Variants in CACNB2 observed in about 807,000 individuals in gnomAD.
CACNB2 encodes the protein voltage-dependent L-type calcium channel subunit beta-2.
CACNB2 carries 42 observed loss-of-function variants against 73.3 expected under a neutral mutation model. The observed-to-expected ratio is 0.57, with a 90% CI of 0.45 to 0.74. The LOEUF (loss-of-function observed/expected upper bound fraction) is 0.74. Ranked by LOEUF, CACNB2 falls within the 30% of genes least tolerant of loss-of-function variation. CACNB2 has a pLI of 0.00. For synonymous variants in CACNB2, 348 were observed against 310.3 expected, an observed-to-expected ratio of 1.12 and a Z score of -1.28; for missense variants, 940 against 853.0, an observed-to-expected ratio of 1.10 and a Z score of -1.27.
chr10:18,540,477 G>A lies in CACNB2; in HGVS notation c.*753G>A, dbSNP rs1237462018. 6.6e-6 allele frequency: 1 copy of A among 152,476 alleles called. No homozygotes were observed. Among genetic ancestry groups the A allele is most frequent in the Non-Finnish European group, 1.5e-5 (1 of 68,010 alleles). 9.4% of individuals were successfully genotyped at this position (152,476 alleles called of 1,614,324 possible). On this transcript the variant is annotated 3_prime_UTR_variant, in exon 14 of 14. Transcript: ENST00000324631. ...TGTCTAGACACCTATCCTCATTCTA[G>A]TAGAAAGTGTGTACATACTGTAAAT...
chr10:18,318,565 C>T (rs946963069), intron 2 of CACNB2, among the ~76,000 whole-genome samples: 3 of 152,062 alleles, frequency 2.0e-5, no homozygotes, highest in Non-Finnish European at 4.4e-5. Context: ...ATGATGAAAA[C>T]ACCAAAAGCA....
chr10:18,155,891 A>AACGC (rs2032006950), intron 2 of CACNB2, among the ~76,000 whole-genome samples: 1 of 52,846 alleles, frequency 1.9e-5, no homozygotes, highest in Admixed American at 3.4e-4. Context: ...AGAGAGAGAG[A>AACGC]ACATATTATA....
At chr10:18,518,866 AT>A (rs756162750) in intron 8 of CACNB2, 43 bp from the exon 9 acceptor site, 172 of 1,537,764 alleles carry the variant, frequency 1.1e-4, no homozygotes, top group Middle Eastern at 1.7e-4. Flanking sequence ...ATCGTTAGTA[AT>A]TTTTTTTGGT....
At chr10:18,251,999 T>C (rs141392971) in intron 2 of CACNB2, among the ~76,000 whole-genome samples, 7 of 152,300 alleles carry the variant, frequency 4.6e-5, no homozygotes, top group East Asian at 3.9e-4. Flanking sequence ...TTCTTCATAA[T>C]TGATATGAGG....
chr10:18,453,635 C>T (rs1348401502), intron 3 of CACNB2, among the ~76,000 whole-genome samples: 2 of 152,138 alleles, frequency 1.3e-5, no homozygotes, highest in Non-Finnish European at 2.9e-5. Context: ...AATTTCTTGC[C>T]TTATTTTATT....
intron 2 of CACNB2, chr10:18,257,098 C>A (rs1430392471): frequency 1.3e-5 from 2 of 152,228 alleles, no homozygotes; most frequent in African/African-American, 4.8e-5. Flanking sequence ...CTCCCCTGTC[C>A]TAGGGACTTG....
intron 2 of CACNB2, among the ~76,000 whole-genome samples, chr10:18,279,978 C>G (rs1164363490): frequency 4.6e-5 from 7 of 152,154 alleles, no homozygotes; most frequent in Non-Finnish European, 2.9e-5. Flanking sequence ...ACCTGGGAGG[C>G]TGAGGCAAGA....
intron 3 of CACNB2, among the ~76,000 whole-genome samples, chr10:18,424,429 G>A (rs945997800): frequency 6.6e-6 from 1 of 152,098 alleles, no homozygotes; most frequent in East Asian, 1.9e-4. Flanking sequence ...CCACGGAAAG[G>A]TGTGGTAACG....
intron 3 of CACNB2, among the ~76,000 whole-genome samples, chr10:18,430,267 T>C (rs1026683230): frequency 5.9e-5 from 9 of 152,128 alleles, no homozygotes; most frequent in Admixed American, 2.6e-4. Context: ...CACAAACCTG[T>C]CTTCGAACCT....
chr10:18,213,117 C>A (rs1392660944), intron 2 of CACNB2, among the ~76,000 whole-genome samples: 1 of 152,204 alleles, frequency 6.6e-6, no homozygotes, highest in African/African-American at 2.4e-5. Flanking sequence ...CTGGTTCGTG[C>A]ACCTGTGGCC....
chr10:18,432,867 A>C (rs1371121133), intron 3 of CACNB2, among the ~76,000 whole-genome samples: 1 of 135,626 alleles, frequency 7.4e-6, no homozygotes, highest in East Asian at 2.2e-4. Context: ...AACAAACAAA[A>C]AACTGTAGTA....
intron 2 of CACNB2, among the ~76,000 whole-genome samples, chr10:18,162,166 A>G (rs187192780): frequency 1.5e-3 from 224 of 152,294 alleles, no homozygotes; most frequent in African/African-American, 5.3e-3. Flanking sequence ...GATTATTTAG[A>G]AGTAATTTTA....
rs148209972 is a variant in CACNB2 at position 18,180,962 on chromosome 10, T to C, written c.213+29987T>C. On this transcript the variant is annotated intron_variant, in intron 2 of 13. Coordinates refer to ENST00000324631, the MANE Select transcript of CACNB2 (RefSeq NM_201596.3). ...GCCTGGGCAACAGAGCGAGACTCCA[T>C]CTCAAAAAACAAAACAAAACAAAAC... Among the ~76,000 whole-genome samples the C allele has an allele frequency of 3.3e-3, 485 of 148,154 alleles. 2 individuals carry two copies. The highest frequency in any genetic ancestry group is 0.012 in the African/African-American group (468 of 39,958).
intron 9 of CACNB2, among the ~76,000 whole-genome samples, chr10:18,525,545 C>G (rs1293381384): frequency 3.9e-5 from 6 of 152,080 alleles, no homozygotes; most frequent in Admixed American, 3.9e-4. Context: ...TGGGACCTGT[C>G]TTTTTCCTCT....
At chr10:18,317,851 A>G (rs997310785) in intron 2 of CACNB2, among the ~76,000 whole-genome samples, 2 of 152,202 alleles carry the variant, frequency 1.3e-5, no homozygotes, top group East Asian at 1.9e-4. Flanking sequence ...GAAATCAGCT[A>G]TGAATAAAGA....
At chr10:18,176,577 T>C (rs946685133) in intron 2 of CACNB2, among the ~76,000 whole-genome samples, 1 of 151,410 alleles carries the variant, frequency 6.6e-6, no homozygotes, top group Admixed American at 6.6e-5. Context: ...TTCCTATAGT[T>C]GAGCAATATT....
intron 2 of CACNB2, among the ~76,000 whole-genome samples, chr10:18,368,656 T>C (rs1391522688): frequency 7.2e-5 from 11 of 152,172 alleles, no homozygotes. Context: ...TGTAAATGTA[T>C]ACAGAAATTA....
intron 2 of CACNB2, among the ~76,000 whole-genome samples, chr10:18,233,922 T>A (rs1417270068): frequency 6.6e-6 from 1 of 152,166 alleles, no homozygotes; most frequent in African/African-American, 2.4e-5. Context: ...CTGAAATCCC[T>A]CAAATCTCCA....
chr10:18,434,698 G>A (rs564284074), intron 3 of CACNB2, among the ~76,000 whole-genome samples: 57 of 152,018 alleles, frequency 3.7e-4, no homozygotes, highest in East Asian at 5.8e-4. Context: ...ATTGTGCCTG[G>A]CCCTAAAAAA....
Sources: allele counts gnomAD v4.1 joint callset (sites outside exome capture counted in the v4.1 genomes callset), GRCh38; gene constraint gnomAD v4.1.1; transcripts MANE v1.5; gene names NCBI Gene and HGNC (gene_info 2026-07-23, HGNC 2026-07-21).